TSHZ2: variants seen among roughly 807,000 people sequenced by gnomAD.
The protein encoded by TSHZ2 is teashirt zinc finger homeobox 2.
TSHZ2 carries 21 observed loss-of-function variants against 74.4 expected under a neutral mutation model. The ratio of observed to expected loss-of-function variants is 0.28; its 90% CI spans 0.20 to 0.41. The LOEUF is 0.41. Ranked by LOEUF, TSHZ2 falls within the 10% of genes least tolerant of loss-of-function variation. The pLI is 1.00. For missense variants in TSHZ2, 1,244 were observed against 1,293.5 expected (o/e 0.96, Z 0.59); for synonymous variants, 540 against 515.3 (o/e 1.05, Z -0.65).
intron 1 of TSHZ2, among the ~76,000 whole-genome samples, chr20:53,192,395 C>G (rs1451288903): frequency 1.3e-5 from 2 of 151,868 alleles, no homozygotes; most frequent in East Asian, 1.9e-4. Context: ...TTGTCACTTT[C>G]TAACACAGGG....
chr20:53,271,290 T>C (rs1194648792), intron 2 of TSHZ2, among the ~76,000 whole-genome samples: 1 of 152,180 alleles, frequency 6.6e-6, no homozygotes. Context: ...GGCACACCAC[T>C]TCTTTGAACC....
At chr20:52,975,840 T>C (rs570082457) in intron 1 of TSHZ2, among the ~76,000 whole-genome samples, 44 of 152,276 alleles carry the variant, frequency 2.9e-4, no homozygotes, top group Non-Finnish European at 5.1e-4. Context: ...TGGGGTTCTG[T>C]AGTCAGTTAA....
chr20:53,029,918 A>T (rs2123058956), intron 1 of TSHZ2, among the ~76,000 whole-genome samples: 1 of 152,248 alleles, frequency 6.6e-6, no homozygotes, highest in African/African-American at 2.4e-5. Flanking sequence ...AAAAATGCCT[A>T]TGACTGCCAA....
intron 2 of TSHZ2, among the ~76,000 whole-genome samples, chr20:53,387,178 A>G (rs762773738): frequency 6.6e-6 from 1 of 152,194 alleles, no homozygotes; most frequent in Non-Finnish European, 1.5e-5. Context: ...AATTCCCGGC[A>G]TACCGAGCTC....
chr20:53,459,337 T>G (rs1447876604), intron 2 of TSHZ2, among the ~76,000 whole-genome samples: 1 of 152,126 alleles, frequency 6.6e-6, no homozygotes, highest in Non-Finnish European at 1.5e-5. Context: ...CTTTTGATCT[T>G]TGTTGGTTTA....
intron 1 of TSHZ2, among the ~76,000 whole-genome samples, chr20:53,236,312 A>G (rs1989937437): frequency 6.6e-6 from 1 of 152,162 alleles, no homozygotes; most frequent in Non-Finnish European, 1.5e-5. Flanking sequence ...CCCAACCAGT[A>G]GGTTTATTAT....
intron 2 of TSHZ2, among the ~76,000 whole-genome samples, chr20:53,452,734 C>T (rs1339127791): frequency 1.3e-5 from 2 of 151,958 alleles, no homozygotes; most frequent in Non-Finnish European, 1.5e-5. Context: ...TAGTATAAAA[C>T]AATATTATGT....
chr20:53,073,296 TCATCCATCCATC>T (rs570436818), intron 1 of TSHZ2, among the ~76,000 whole-genome samples: 3 of 120,278 alleles, frequency 2.5e-5, no homozygotes, highest in Admixed American at 8.0e-5. Flanking sequence ...ATCCATCCCT[TCATCCATCCATC>T]CATCCATCCA....
chr20:53,460,878 T>G (rs6063949), intron 2 of TSHZ2, among the ~76,000 whole-genome samples: 87,012 of 152,024 alleles, frequency 0.57, 25,423 homozygotes, highest in African/African-American at 0.69. Flanking sequence ...GGGACCCACT[T>G]GAGGAGGCAA....
intron 1 of TSHZ2, among the ~76,000 whole-genome samples, chr20:53,086,515 C>A (rs769748329): frequency 6.6e-6 from 1 of 152,012 alleles, no homozygotes; most frequent in African/African-American, 2.4e-5. Context: ...TAGATCATCC[C>A]CAAGTGTGTC....
At chr20:53,267,046 G>A (rs1185189619) in intron 2 of TSHZ2, among the ~76,000 whole-genome samples, 1 of 152,182 alleles carries the variant, frequency 6.6e-6, no homozygotes, top group Non-Finnish European at 1.5e-5. Context: ...CCAAAGTGCT[G>A]GGATTACAGG....
chr20:53,267,471 T>C (rs1487547218), intron 2 of TSHZ2, among the ~76,000 whole-genome samples: 3 of 152,232 alleles, frequency 2.0e-5, no homozygotes, highest in African/African-American at 7.2e-5. Context: ...TCTCACAGGA[T>C]GGGTGATAGT....
intron 2 of TSHZ2, among the ~76,000 whole-genome samples, chr20:53,287,740 C>T (rs1001121008): frequency 1.3e-5 from 2 of 152,084 alleles, no homozygotes; most frequent in Non-Finnish European, 2.9e-5. Context: ...GTTAATATCA[C>T]CTTGAAAACA....
At chr20:53,065,204 G>A (rs967175768) in intron 1 of TSHZ2, among the ~76,000 whole-genome samples, 6 of 152,140 alleles carry the variant, frequency 3.9e-5, no homozygotes, top group African/African-American at 1.4e-4. Context: ...AAGAGCTGTT[G>A]GCAGACTAGT....
At chr20:53,426,507 T>G (rs1600630285) in intron 2 of TSHZ2, among the ~76,000 whole-genome samples, 1 of 152,202 alleles carries the variant, frequency 6.6e-6, no homozygotes, top group East Asian at 1.9e-4. Flanking sequence ...TTTGACTACT[T>G]ATCAAACTTT....
chr20:53,094,997 T>C (rs1416786498), intron 1 of TSHZ2, among the ~76,000 whole-genome samples: 1 of 152,178 alleles, frequency 6.6e-6, no homozygotes, highest in African/African-American at 2.4e-5. Context: ...AGTTATGACC[T>C]CAAAGTGAAA....
chr20:53,249,145 C>T (rs550706770), intron 1 of TSHZ2, among the ~76,000 whole-genome samples: 2 of 152,226 alleles, frequency 1.3e-5, no homozygotes, highest in East Asian at 3.9e-4. Context: ...ACAGCCGATA[C>T]TCTGGTTTTA....
intron 2 of TSHZ2, among the ~76,000 whole-genome samples, chr20:53,423,683 C>T (rs1983559828): frequency 6.6e-6 from 1 of 152,240 alleles, no homozygotes; most frequent in Non-Finnish European, 1.5e-5. Context: ...AGAACTTGCA[C>T]ATGTCACCTC....
chr20:53,315,782 A>G (rs1013526323), intron 2 of TSHZ2, among the ~76,000 whole-genome samples: 1 of 152,208 alleles, frequency 6.6e-6, no homozygotes, highest in Non-Finnish European at 1.5e-5. Flanking sequence ...ATAAATAACT[A>G]ATCCATTATA....
Sources: allele counts gnomAD v4.1 joint callset (sites outside exome capture counted in the v4.1 genomes callset), GRCh38; gene constraint gnomAD v4.1.1; transcripts MANE v1.5; gene names NCBI Gene and HGNC (gene_info 2026-07-23, HGNC 2026-07-21).